The following EXOC6 variants were observed in gnomAD, a reference collection of about 807,000 sequenced individuals.
The protein encoded by EXOC6 is SEC15-like 1.
A neutral mutation model predicts 112.5 loss-of-function variants in EXOC6; 60 were observed. That is an observed-to-expected ratio of 0.53 (90% CI 0.43 to 0.66). The LOEUF (loss-of-function observed/expected upper bound fraction) is 0.66. Among genes scored for constraint, EXOC6 ranks in the 30% least tolerant of loss-of-function variants. The pLI is 0.00. For missense variants in EXOC6, 855 were observed against 957.1 expected (o/e 0.89, Z 1.41); for synonymous variants, 295 against 308.0 (o/e 0.96, Z 0.44).
intron 19 of EXOC6, among the ~76,000 whole-genome samples, chr10:93,001,760 G>T (rs2134193787): frequency 1.3e-5 from 2 of 152,238 alleles, no homozygotes; most frequent in South Asian, 4.1e-4. Context: ...TTTGGCTTAG[G>T]GTCACACAGG....
intron 20 of EXOC6, among the ~76,000 whole-genome samples, chr10:93,054,657 T>G (rs566401372): frequency 2.0e-5 from 3 of 152,324 alleles, no homozygotes; most frequent in African/African-American, 7.2e-5. Context: ...GTATTCACAG[T>G]TGGAGTTGGT....
At chr10:93,026,120 A>G (rs951361799) in intron 20 of EXOC6, among the ~76,000 whole-genome samples, 3 of 152,156 alleles carry the variant, frequency 2.0e-5, no homozygotes, top group African/African-American at 4.8e-5. Context: ...CAAATATACC[A>G]TAATTTATGT....
chr10:92,973,934 C>A, intron 17 of EXOC6, 119 bp from the exon 18 acceptor site: 1 of 842,666 alleles, frequency 1.2e-6, no homozygotes, highest in Non-Finnish European at 1.7e-6. Flanking sequence ...TTTTCCTGGA[C>A]TTTGAATAAA....
intron 1 of EXOC6, among the ~76,000 whole-genome samples, chr10:92,857,114 T>G (rs1847640615): frequency 6.6e-6 from 1 of 152,066 alleles, no homozygotes; most frequent in African/African-American, 2.4e-5. Flanking sequence ...ATTTACATAG[T>G]TGGATTCACA....
intron 5 of EXOC6, 33 bp downstream of exon 5, chr10:92,899,677 A>G (rs752121504): frequency 6.6e-7 from 1 of 1,523,872 alleles, no homozygotes; most frequent in South Asian, 1.2e-5. Flanking sequence ...GTTTTAAATA[A>G]GAATTTTTTT....
At position 92,879,964 on chromosome 10, in the gene EXOC6, G is replaced by C. The variant is rs890621565; in HGVS notation, c.102-13385G>C. On this transcript the variant is annotated intron_variant, in intron 1 of 21. Transcript: ENST00000260762. ...GTTATATTAAAGCAATAGGTAACAG[G>C]GTAAAACCACTTCAAAAAATAGGGA... Among the ~76,000 whole-genome samples the C allele has an allele frequency of 9.2e-5, 14 of 151,908 alleles. No individual in the cohort carries two copies. In the East Asian group the frequency reaches 2.7e-3, roughly 29 times the overall value.
At chr10:92,884,936 A>G (rs771702273) in intron 1 of EXOC6, among the ~76,000 whole-genome samples, 7 of 152,186 alleles carry the variant, frequency 4.6e-5, no homozygotes, top group Non-Finnish European at 1.0e-4. Flanking sequence ...AGAATATAGC[A>G]TCTTTCCAAA....
Position 92,909,465 on chromosome 10 carries a change from A to G in EXOC6, c.497A>G (p.Asn166Ser). The stretch of plus-strand genomic sequence containing the variant: ...CTAAAAACTATGGAACAATTAGAGA[A>G]TGTGTACTTTCCCTGGGTTAGTCAA... ...SALKTMEQLE[N>S]VYFPWVSQYR... Residue 166 changes from asparagine to serine, a missense_variant, in exon 6 of 22, where the codon AAT (asparagine) becomes AGT (serine). Physicochemically the swap from Asn to Ser is conservative, Grantham distance 46. Coordinates refer to ENST00000260762, the MANE Select transcript of EXOC6 (RefSeq NM_019053.6). The G allele has an allele frequency of 6.2e-7, 1 of 1,613,494 alleles. No individual in the cohort carries two copies.
chr10:92,840,125 TA>T lies in EXOC6; in HGVS notation c.86+5312del, dbSNP rs11432465. 1.1e-3 allele frequency among the ~76,000 whole-genome samples: 154 copies of T among 145,354 alleles called. 2 individuals carry two copies. The East Asian group carries it at 0.022, about 21-fold the overall frequency. ...GCTTTTAGGAAAGGAAAGAAAACATTAAAAAAAAAAACCCTAAACTGTATAT... is the reference window on the plus strand; with the variant it reads ...GCTTTTAGGAAAGGAAAGAAAACATTAAAAAAAAAACCCTAAACTGTATAT... On this transcript the variant is annotated intron_variant, in intron 1 of 21. Coordinates refer to the EXOC6 transcript ENST00000371552.
intron 9 of EXOC6, among the ~76,000 whole-genome samples, chr10:92,931,352 A>G (rs1852025943): frequency 6.6e-6 from 1 of 151,720 alleles, no homozygotes; most frequent in Non-Finnish European, 1.5e-5. Context: ...TGATTGAGAA[A>G]CAAATTTAAG....
chr10:93,055,811 A>C (rs921774372), intron 20 of EXOC6, among the ~76,000 whole-genome samples: 1 of 152,218 alleles, frequency 6.6e-6, no homozygotes, highest in Non-Finnish European at 1.5e-5. Flanking sequence ...GAAAATCTCT[A>C]TTAATACCTG....
intron 21 of EXOC6, 24 bp downstream of exon 21, chr10:93,057,060 T>C (rs11187263): frequency 0.094 from 119,819 of 1,278,416 alleles, 5,955 homozygotes; most frequent in Admixed American, 0.19. Flanking sequence ...GAAACTTTTT[T>C]GTATAACATT....
intron 11 of EXOC6, among the ~76,000 whole-genome samples, chr10:92,935,331 A>G (rs1852282355): frequency 6.6e-6 from 1 of 152,060 alleles, no homozygotes; most frequent in Non-Finnish European, 1.5e-5. Flanking sequence ...GTCATATTAA[A>G]TACAGCATAT....
Position 92,909,445 on chromosome 10 carries a change from A to G in EXOC6, c.477A>G (p.Lys159=). 2 of 1,612,386 alleles carry G rather than the reference A, an allele frequency of 1.2e-6. No individual in the cohort carries two copies. The highest frequency in any genetic ancestry group is 1.7e-6 in the Non-Finnish European group (2 of 1,179,208). Residue 159 remains lysine, a synonymous_variant, in exon 6 of 22, where the codon AAA becomes AAG. Coordinates refer to ENST00000260762, the MANE Select transcript of EXOC6 (RefSeq NM_019053.6). ...CTCACAGGTACTATTCTGCCCTAAA[A>G]ACTATGGAACAATTAGAGAATGTGT... ...MSAKRYYSAL[K]TMEQLENVYF...
chr10:93,015,577 C>CA (rs1844466280), intron 20 of EXOC6, among the ~76,000 whole-genome samples: 1 of 151,982 alleles, frequency 6.6e-6, no homozygotes, highest in Non-Finnish European at 1.5e-5. Flanking sequence ...ACTAAAAATA[C>CA]AAAAAATTAG....
intron 1 of EXOC6, among the ~76,000 whole-genome samples, chr10:92,867,503 A>G (rs1401807889): frequency 6.6e-6 from 1 of 152,122 alleles, no homozygotes; most frequent in Non-Finnish European, 1.5e-5. Flanking sequence ...ATAATACCCA[A>G]GCTTGAGTAG....
At chr10:92,930,831 A>C (rs1383162350) in intron 9 of EXOC6, among the ~76,000 whole-genome samples, 1 of 152,070 alleles carries the variant, frequency 6.6e-6, no homozygotes, top group East Asian at 1.9e-4. Context: ...TGTTGTTAAG[A>C]AAATGAAAAA....
At chr10:93,022,650 A>G (rs76014798) in intron 20 of EXOC6, among the ~76,000 whole-genome samples, 4,226 of 152,222 alleles carry the variant, frequency 0.028, 155 homozygotes, top group East Asian at 0.13. Context: ...TTTTTCACCT[A>G]TATTTGTTTT....
intron 1 of EXOC6, among the ~76,000 whole-genome samples, chr10:92,881,107 A>C (rs1415716791): frequency 9.2e-5 from 14 of 152,214 alleles, no homozygotes; most frequent in Admixed American, 8.5e-4. Context: ...CTAGACAGCC[A>C]AGATGGCTCG....
Sources: allele counts gnomAD v4.1 joint callset (sites outside exome capture counted in the v4.1 genomes callset), GRCh38; gene constraint gnomAD v4.1.1; transcripts MANE v1.5; gene names NCBI Gene and HGNC (gene_info 2026-07-23, HGNC 2026-07-21).